Variants in BABAM2 observed in about 807,000 individuals in gnomAD.
The protein encoded by BABAM2 is BRISC and BRCA1 A complex member 2, also known as BRISC and BRCA1-A complex member 2.
A neutral mutation model predicts 54.7 loss-of-function variants in BABAM2; 31 were observed. The observed-to-expected ratio is 0.57, with a 90% CI of 0.43 to 0.77. BABAM2 has a LOEUF of 0.77. Among genes scored for constraint, BABAM2 ranks in the 30% least tolerant of loss-of-function variants. The pLI, the probability that BABAM2 is intolerant of heterozygous loss-of-function variation, is 0.00. For missense variants in BABAM2, 364 were observed against 455.8 expected, an observed-to-expected ratio of 0.80 and a Z score of 1.83; for synonymous variants, 167 against 162.9, an observed-to-expected ratio of 1.03 and a Z score of -0.19.
intron 6 of BABAM2, among the ~76,000 whole-genome samples, chr2:28,112,520 C>A (rs1343246294): frequency 6.6e-6 from 1 of 151,920 alleles, no homozygotes; most frequent in African/African-American, 2.4e-5. Flanking sequence ...ATCCATGTCC[C>A]TGCAAAGGAC....
intron 5 of BABAM2, among the ~76,000 whole-genome samples, chr2:28,040,659 C>T (rs556402400): frequency 6.6e-6 from 1 of 152,262 alleles, no homozygotes; most frequent in East Asian, 1.9e-4. Flanking sequence ...GAAACAAGTG[C>T]TGAGTTTTCT....
At chr2:28,009,332 T>G (rs1316369765) in intron 4 of BABAM2, among the ~76,000 whole-genome samples, 1 of 152,070 alleles carries the variant, frequency 6.6e-6, no homozygotes, top group African/African-American at 2.4e-5. Flanking sequence ...GTAGAAAAGG[T>G]TCATATACTT....
intron 10 of BABAM2, among the ~76,000 whole-genome samples, chr2:28,284,837 T>C (rs1372821695): frequency 6.6e-6 from 1 of 152,198 alleles, no homozygotes; most frequent in Non-Finnish European, 1.5e-5. Flanking sequence ...TTGTCTGTTT[T>C]AATTGCTTCT....
chr2:27,900,594 G>T (rs566203438), intron 2 of BABAM2, among the ~76,000 whole-genome samples: 33 of 152,130 alleles, frequency 2.2e-4, no homozygotes, highest in Non-Finnish European at 4.4e-4. Context: ...GAATGAATGA[G>T]TTAGATGTTT....
At chr2:28,022,914 A>G (rs944623950) in intron 4 of BABAM2, among the ~76,000 whole-genome samples, 3 of 152,178 alleles carry the variant, frequency 2.0e-5, no homozygotes, top group East Asian at 1.9e-4. Flanking sequence ...AAAACTTTAT[A>G]TATCTTCTGT....
chr2:28,104,566 T>C (rs974785278), intron 6 of BABAM2, among the ~76,000 whole-genome samples: 1 of 152,140 alleles, frequency 6.6e-6, no homozygotes, highest in African/African-American at 2.4e-5. Context: ...TGTGGAGAAA[T>C]AGGAACACTT....
At position 28,294,543 on chromosome 2, in the gene BABAM2, G is replaced by C. The variant is rs79618674; in HGVS notation, c.935-3795G>C. 7.6e-3 allele frequency among the ~76,000 whole-genome samples: 1,160 copies of C among 152,306 alleles called. 11 individuals are homozygous for C. The highest frequency in any genetic ancestry group is 0.027 in the African/African-American group (1,118 of 41,570). ...TTTACTATGCATCAGAAAATCATGA[G>C]TTAACCTATAGGCAAAAGTTAAGTG... On this transcript the variant is annotated intron_variant, in intron 10 of 11. Transcript: ENST00000379624.
chr2:28,185,177 T>C (rs1290484015), intron 7 of BABAM2, among the ~76,000 whole-genome samples: 1 of 152,160 alleles, frequency 6.6e-6, no homozygotes, highest in Non-Finnish European at 1.5e-5. Flanking sequence ...CAATTTAAAG[T>C]AACATTAATA....
chr2:28,259,851 A>C, intron 10 of BABAM2, among the ~76,000 whole-genome samples: 1 of 151,596 alleles, frequency 6.6e-6, no homozygotes, highest in African/African-American at 2.4e-5. Flanking sequence ...AAATTACCTT[A>C]GCACCTTTCT....
At chr2:28,293,584 C>T (rs139318317) in intron 10 of BABAM2, among the ~76,000 whole-genome samples, 1 of 152,180 alleles carries the variant, frequency 6.6e-6, no homozygotes, top group Non-Finnish European at 1.5e-5. Flanking sequence ...GTGAGGCAAC[C>T]GGTGCAGAGC....
At chr2:27,965,419 A>C (rs989315860) in intron 3 of BABAM2, among the ~76,000 whole-genome samples, 7 of 152,196 alleles carry the variant, frequency 4.6e-5, no homozygotes, top group African/African-American at 1.7e-4. Context: ...TTTCACAGCT[A>C]TCAACTCATG....
intron 4 of BABAM2, chr2:28,016,618 T>C: frequency 4.1e-6 from 2 of 486,456 alleles, no homozygotes. Flanking sequence ...TAGACTGCAA[T>C]GAACAGCTTC....
chr2:28,127,685 G>A (rs987993537), intron 6 of BABAM2, among the ~76,000 whole-genome samples: 4 of 152,104 alleles, frequency 2.6e-5, no homozygotes, highest in Admixed American at 6.5e-5. Flanking sequence ...CGAAGGTTCC[G>A]GAGTTGAGCA....
At chr2:28,004,489 G>A (rs1673810460) in intron 4 of BABAM2, among the ~76,000 whole-genome samples, 1 of 152,092 alleles carries the variant, frequency 6.6e-6, no homozygotes, top group Non-Finnish European at 1.5e-5. Flanking sequence ...GAAGAAACCA[G>A]ATTGAAAAAT....
At chr2:28,326,735 T>C (rs1486838311) in intron 11 of BABAM2, among the ~76,000 whole-genome samples, 1 of 152,204 alleles carries the variant, frequency 6.6e-6, no homozygotes, top group African/African-American at 2.4e-5. Flanking sequence ...TGGGAGCTTC[T>C]GACAGGGTGA....
intron 7 of BABAM2, among the ~76,000 whole-genome samples, chr2:28,182,582 G>A (rs570958922): frequency 6.6e-6 from 1 of 152,306 alleles, no homozygotes; most frequent in South Asian, 2.1e-4. Flanking sequence ...GCAGATCAGT[G>A]CTAGAAAGGC....
intron 6 of BABAM2, among the ~76,000 whole-genome samples, chr2:28,075,825 TGA>T (rs1197297473): frequency 1.3e-5 from 2 of 152,344 alleles, no homozygotes; most frequent in Middle Eastern, 3.4e-3. Flanking sequence ...TTCATTTGAA[TGA>T]GAGACTCTGT....
Position 27,890,895 on chromosome 2 carries a change from G to A in BABAM2, c.-25+53G>A, listed in dbSNP as rs1335272171. 6.5e-6 allele frequency: 1 copy of A among 152,674 alleles called. No individual in the cohort carries two copies. The highest frequency in any genetic ancestry group is 2.4e-5 in the African/African-American group (1 of 41,422). 9.5% of individuals were successfully genotyped at this position (152,674 alleles called of 1,614,324 possible). A position where few individuals can be genotyped will look rare whatever the true frequency, so the allele number is the denominator to read the frequency against. The stretch of plus-strand genomic sequence containing the variant: ...GGTTGGATCCCGAGTCGCACAGGTG[G>A]CGTGGAGAACTGTGGTTTAAATATG... On this transcript the variant is annotated intron_variant, in intron 1 of 11. Coordinates refer to ENST00000379624, the MANE Select transcript of BABAM2 (RefSeq NM_199191.3). This position sits in a 1 kb window ranked among gnomAD's most constrained non-coding sequence, Gnocchi z 4.8.
At chr2:28,192,878 A>T (rs1677093503) in intron 7 of BABAM2, among the ~76,000 whole-genome samples, 1 of 151,938 alleles carries the variant, frequency 6.6e-6, no homozygotes, top group Admixed American at 6.5e-5. Flanking sequence ...TGCTCTTAAA[A>T]AATAGTTCTG....
Sources: allele counts gnomAD v4.1 joint callset (sites outside exome capture counted in the v4.1 genomes callset), GRCh38; gene constraint gnomAD v4.1.1; non-coding constraint Gnocchi (gnomAD v3.1); transcripts MANE v1.5; gene names NCBI Gene and HGNC (gene_info 2026-07-23, HGNC 2026-07-21).